Variants in GALC observed in about 807,000 individuals in gnomAD.
The protein encoded by GALC is galactocerebrosidase.
In GALC, 77 loss-of-function variants were observed where a neutral mutation model predicts 91.8. The ratio of observed to expected loss-of-function variants is 0.84; its 90% CI spans 0.70 to 1.01. The LOEUF is 1.01. Among genes scored for constraint, GALC ranks in the 50% least tolerant of loss-of-function variants. The pLI, the probability that GALC is intolerant of heterozygous loss-of-function variation, is 0.00. For synonymous variants in GALC, 357 were observed against 306.7 expected, an observed-to-expected ratio of 1.16 and a Z score of -1.71; for missense variants, 882 against 855.9, an observed-to-expected ratio of 1.03 and a Z score of -0.38.
chr14:87,966,241 A>G (rs145221726), intron 8 of GALC, among the ~76,000 whole-genome samples: 1 of 152,298 alleles, frequency 6.6e-6, no homozygotes, highest in East Asian at 1.9e-4. Flanking sequence ...TAGTATTGCT[A>G]TTAAATATGA....
intron 10 of GALC, chr14:87,955,307 A>G: frequency 1.6e-6 from 1 of 615,786 alleles, no homozygotes; most frequent in African/African-American, 1.9e-5. Context: ...TTTTTATTAA[A>G]TACATTTTAC....
chr14:87,990,123 T>C (rs780112432), intron 1 of GALC, among the ~76,000 whole-genome samples: 3 of 152,180 alleles, frequency 2.0e-5, no homozygotes, highest in East Asian at 1.9e-4. Context: ...CATATCTTTA[T>C]TACAACACTT....
intron 10 of GALC, among the ~76,000 whole-genome samples, chr14:87,962,599 ACACACACACAC>A (rs1566987880): frequency 1.5e-5 from 2 of 131,942 alleles, no homozygotes; most frequent in Non-Finnish European, 3.0e-5. Context: ...ACACACACAC[ACACACACACAC>A]ACACACACAC....
At chr14:87,980,957 C>T (rs1050641288) in intron 6 of GALC, among the ~76,000 whole-genome samples, 6 of 152,136 alleles carry the variant, frequency 3.9e-5, no homozygotes, top group African/African-American at 1.4e-4. Context: ...TCTATAAACA[C>T]GCATGTGCAA....
At chr14:87,946,544 G>A (rs1304031061) in intron 13 of GALC, among the ~76,000 whole-genome samples, 1 of 151,862 alleles carries the variant, frequency 6.6e-6, no homozygotes, top group Non-Finnish European at 1.5e-5. Context: ...AGCTCATAAA[G>A]TATTACATTT....
chr14:87,978,684 G>A (rs914337308), intron 6 of GALC, among the ~76,000 whole-genome samples: 17 of 151,442 alleles, frequency 1.1e-4, no homozygotes, highest in African/African-American at 4.1e-4. Context: ...ACTTGTTCTG[G>A]TTGAAGTGAA....
At chr14:87,942,265 G>A (rs451554) in intron 14 of GALC, among the ~76,000 whole-genome samples, 145,498 of 152,000 alleles carry the variant, frequency 0.96, 69,929 homozygotes, top group Non-Finnish European at 1. Flanking sequence ...GATGCTGCTC[G>A]TCCAGGAATG....
chr14:87,993,406 C>G (rs1036498069), upstream of GALC: 8 of 1,535,752 alleles, frequency 5.2e-6, no homozygotes, highest in African/African-American at 1.1e-4. Flanking sequence ...TCCGGCGTCA[C>G]CTGGTGGAGC....
intron 15 of GALC, among the ~76,000 whole-genome samples, chr14:87,940,951 G>A (rs1884810232): frequency 6.6e-6 from 1 of 151,920 alleles, no homozygotes; most frequent in Non-Finnish European, 1.5e-5. Context: ...CTATTTTCAA[G>A]TATTAACTAA....
intron 6 of GALC, among the ~76,000 whole-genome samples, chr14:87,981,680 T>C (rs72692077): frequency 6.6e-6 from 1 of 152,228 alleles, no homozygotes; most frequent in Non-Finnish European, 1.5e-5. Flanking sequence ...AGTTACCTCA[T>C]AGGTAAGGTT....
At chr14:87,977,152 A>G (rs1000597596) in intron 6 of GALC, among the ~76,000 whole-genome samples, 3 of 152,150 alleles carry the variant, frequency 2.0e-5, no homozygotes, top group Admixed American at 6.5e-5. Flanking sequence ...AATGGGTAAC[A>G]TACTAATCAT....
rs187899352 is a variant in GALC at position 87,982,795 on chromosome 14, A to G, written c.583-552T>C. On this transcript the variant is annotated intron_variant, in intron 5 of 16. Transcript: ENST00000261304. ...ATGAAGCATGGGGTTTTAGAATTGA[A>G]AGAACTTCCATAACTCCACAGTTGA... is the stretch of plus-strand genomic sequence containing the variant. Among the ~76,000 whole-genome samples, 599 of 152,330 alleles carry G rather than the reference A, an allele frequency of 3.9e-3. 9 individuals are homozygous for G. Among genetic ancestry groups the G allele is most frequent in the Admixed American group, 0.034 (521 of 15,298 alleles).
intron 16 of GALC, 145 bp from the exon 17 acceptor site, chr14:87,935,023 G>A: frequency 6.2e-6 from 4 of 647,928 alleles, no homozygotes; most frequent in Non-Finnish European, 1.1e-5. Flanking sequence ...AATTCCACAA[G>A]TTTGAGCAAA....
At chr14:87,975,212 T>A (rs1464382895) in intron 7 of GALC, among the ~76,000 whole-genome samples, 3 of 152,082 alleles carry the variant, frequency 2.0e-5, no homozygotes, top group African/African-American at 7.2e-5. Context: ...CTGTAGGGGT[T>A]GAAATCAGTA....
At chr14:87,992,382 T>C in intron 1 of GALC, 2 of 1,535,672 alleles carry the variant, frequency 1.3e-6, no homozygotes, top group Admixed American at 2.0e-5. Flanking sequence ...ATCTTCCTTT[T>C]AAAGAGACCT....
At chr14:87,970,383 A>G (rs1219092369) in intron 7 of GALC, among the ~76,000 whole-genome samples, 1 of 152,144 alleles carries the variant, frequency 6.6e-6, no homozygotes, top group African/African-American at 2.4e-5. Context: ...TTCTATAATG[A>G]GCATATTATA....
intron 1 of GALC, among the ~76,000 whole-genome samples, chr14:87,990,160 T>C (rs1887139328): frequency 6.6e-6 from 1 of 152,228 alleles, no homozygotes; most frequent in Non-Finnish European, 1.5e-5. Context: ...TTTATTTTTC[T>C]GACTCACCTC....
chr14:87,979,545 T>C (rs1165812954), intron 6 of GALC, among the ~76,000 whole-genome samples: 2 of 152,204 alleles, frequency 1.3e-5, no homozygotes, highest in Non-Finnish European at 2.9e-5. Flanking sequence ...TGAATTAGAA[T>C]GCACTGGAGT....
chr14:87,987,726 A>G (rs1887032272), intron 3 of GALC: 2 of 163,662 alleles, frequency 1.2e-5, no homozygotes, highest in African/African-American at 2.4e-5. Context: ...GTGATTAAAG[A>G]TAAGTTTTGT....
Sources: allele counts gnomAD v4.1 joint callset (sites outside exome capture counted in the v4.1 genomes callset), GRCh38; gene constraint gnomAD v4.1.1; transcripts MANE v1.5; gene names NCBI Gene and HGNC (gene_info 2026-07-23, HGNC 2026-07-21).